KHDRBS2: variants seen among roughly 807,000 people sequenced by gnomAD.
KHDRBS2 encodes KH domain-containing, RNA-binding, signal transduction-associated protein 2.
KHDRBS2 carries 26 observed loss-of-function variants against 44.3 expected under a neutral mutation model. The observed-to-expected ratio is 0.59, with a 90% CI of 0.43 to 0.81. The LOEUF (loss-of-function observed/expected upper bound fraction) is 0.81, where lower values mean the gene tolerates loss of function less well. Among genes scored for constraint, KHDRBS2 ranks in the 40% least tolerant of loss-of-function variants. KHDRBS2 has a pLI of 0.00. For missense variants in KHDRBS2, 476 were observed against 433.1 expected (o/e 1.10, Z -0.88); for synonymous variants, 194 against 151.1 (o/e 1.28, Z -2.08).
intron 2 of KHDRBS2, among the ~76,000 whole-genome samples, chr6:62,144,091 A>C (rs922184289): frequency 6.6e-6 from 1 of 151,858 alleles, no homozygotes; most frequent in African/African-American, 2.4e-5. Flanking sequence ...CAAGCACACT[A>C]TTTCAACCAG....
At chr6:61,716,942 A>G (rs1434646737) in intron 7 of KHDRBS2, among the ~76,000 whole-genome samples, 1 of 152,008 alleles carries the variant, frequency 6.6e-6, no homozygotes, top group Non-Finnish European at 1.5e-5. Flanking sequence ...CCTCCTGAGG[A>G]GTGTTTCCAA....
At chr6:62,018,870 T>A (rs1781741514) in intron 3 of KHDRBS2, among the ~76,000 whole-genome samples, 1 of 152,210 alleles carries the variant, frequency 6.6e-6, no homozygotes, top group Admixed American at 6.5e-5. Flanking sequence ...AATAATTGTT[T>A]TAATAATATA....
intron 3 of KHDRBS2, among the ~76,000 whole-genome samples, chr6:61,992,649 T>A (rs1364817672): frequency 6.6e-6 from 1 of 151,936 alleles, no homozygotes; most frequent in East Asian, 1.9e-4. Context: ...GTAACCAGAG[T>A]GGGAACAGTA....
chr6:61,942,575 T>C (rs1000431063), intron 4 of KHDRBS2, among the ~76,000 whole-genome samples: 21 of 152,190 alleles, frequency 1.4e-4, no homozygotes, highest in Admixed American at 1.4e-3. Flanking sequence ...TCATAACATA[T>C]GGGACACCAT....
the KHDRBS2 span, among the ~76,000 whole-genome samples, chr6:61,674,797 C>G: frequency 3.3e-5 from 5 of 151,562 alleles, no homozygotes; most frequent in African/African-American, 4.8e-5. Flanking sequence ...TTACTGATCA[C>G]TTTTCTCTCT....
At position 61,776,905 on chromosome 6, in the gene KHDRBS2, T is replaced by G. The variant is rs144385127; in HGVS notation, c.811-44141A>C. Among the ~76,000 whole-genome samples the G allele has an allele frequency of 5.0e-3, 761 of 152,114 alleles. 3 individuals carry two copies. Among genetic ancestry groups the G allele is most frequent in the Non-Finnish European group, 7.7e-3 (521 of 68,004 alleles). On this transcript the variant is annotated intron_variant, in intron 6 of 8. Coordinates refer to ENST00000281156, the MANE Select transcript of KHDRBS2 (RefSeq NM_152688.4). Reference sequence around the variant, plus strand: ...ATCCAACCTAAATGTCCAACAACGATAGAATGGATGAAGAAAATGTGGCAC... The same window carrying G: ...ATCCAACCTAAATGTCCAACAACGAGAGAATGGATGAAGAAAATGTGGCAC...
chr6:61,635,343 T>C, the KHDRBS2 span, among the ~76,000 whole-genome samples: 1 of 151,984 alleles, frequency 6.6e-6, no homozygotes, highest in Non-Finnish European at 1.5e-5. Context: ...AGGGAAGTGA[T>C]GACTGGTCTG....
At chr6:62,084,981 T>A (rs6910051) in intron 2 of KHDRBS2, among the ~76,000 whole-genome samples, 2 of 152,122 alleles carry the variant, frequency 1.3e-5, no homozygotes, top group African/African-American at 4.8e-5. Flanking sequence ...ACAAAACACT[T>A]AAATGTGTGC....
intron 2 of KHDRBS2, among the ~76,000 whole-genome samples, chr6:62,067,830 C>A (rs1188627394): frequency 1.3e-5 from 2 of 151,512 alleles, no homozygotes; most frequent in South Asian, 4.1e-4. Context: ...TAAATACGGT[C>A]GTACAACATG....
At chr6:61,784,281 CTAAT>C (rs1385924461) in intron 6 of KHDRBS2, among the ~76,000 whole-genome samples, 1 of 151,596 alleles carries the variant, frequency 6.6e-6, no homozygotes, top group Non-Finnish European at 1.5e-5. Context: ...ATTTATTACT[CTAAT>C]TATTATAGTA....
intron 3 of KHDRBS2, among the ~76,000 whole-genome samples, chr6:61,995,126 C>T (rs1468336028): frequency 6.6e-6 from 1 of 151,886 alleles, no homozygotes; most frequent in Non-Finnish European, 1.5e-5. Flanking sequence ...GCCTACAAAG[C>T]ACTATATTAT....
intron 2 of KHDRBS2, among the ~76,000 whole-genome samples, chr6:62,111,724 A>C (rs529912252): frequency 3.5e-4 from 53 of 152,152 alleles, no homozygotes; most frequent in African/African-American, 1.3e-3. Context: ...TCTACAAAAA[A>C]TTAGAAAATT....
chr6:61,711,498 T>A (rs1562008199), intron 7 of KHDRBS2, among the ~76,000 whole-genome samples: 1 of 151,878 alleles, frequency 6.6e-6, no homozygotes, highest in African/African-American at 2.4e-5. Context: ...AAACTCAAGA[T>A]AATGTTAGAA....
intron 6 of KHDRBS2, among the ~76,000 whole-genome samples, chr6:61,894,044 GT>G (rs1802478096): frequency 6.6e-6 from 1 of 152,064 alleles, no homozygotes; most frequent in Non-Finnish European, 1.5e-5. Context: ...AGAACTAAAG[GT>G]TAAAAGATGT....
intron 1 of KHDRBS2, among the ~76,000 whole-genome samples, chr6:62,239,541 C>T (rs1563116802): frequency 6.6e-6 from 1 of 151,082 alleles, no homozygotes; most frequent in Non-Finnish European, 1.5e-5. Context: ...CTGCTGCACT[C>T]CAGCCTGCAT....
rs182852090 is a variant in KHDRBS2 at position 62,163,811 on chromosome 6, A to G, written c.219+13374T>C. On this transcript the variant is annotated intron_variant, in intron 2 of 8. Coordinates refer to ENST00000281156, the MANE Select transcript of KHDRBS2 (RefSeq NM_152688.4). ...TACTCTCTCCTTTAGAACACTCACA[A>G]TGTACTTCAGAAAAGAAAATAGCAG... Among the ~76,000 whole-genome samples, 19 of 152,072 alleles carry G rather than the reference A, an allele frequency of 1.2e-4. No homozygotes were observed. The East Asian group carries it at 3.7e-3, about 29-fold the overall frequency.
intron 8 of KHDRBS2, among the ~76,000 whole-genome samples, chr6:61,691,058 A>G (rs2127541781): frequency 6.6e-6 from 1 of 152,186 alleles, no homozygotes; most frequent in South Asian, 2.1e-4. Context: ...TGATAGATCC[A>G]GTCTGGTATG....
intron 4 of KHDRBS2, among the ~76,000 whole-genome samples, chr6:61,957,905 C>T (rs918042985): frequency 5.3e-4 from 81 of 151,936 alleles, no homozygotes; most frequent in African/African-American, 1.8e-3. Context: ...GATGTTTCCC[C>T]GGACACCCAG....
At chr6:62,102,419 A>G (rs922941590) in intron 2 of KHDRBS2, among the ~76,000 whole-genome samples, 1 of 152,182 alleles carries the variant, frequency 6.6e-6, no homozygotes, top group African/African-American at 2.4e-5. Flanking sequence ...AAAACCTCAG[A>G]GACACCAGGG....
Sources: allele counts gnomAD v4.1 joint callset (sites outside exome capture counted in the v4.1 genomes callset), GRCh38; gene constraint gnomAD v4.1.1; transcripts MANE v1.5; gene names NCBI Gene and HGNC (gene_info 2026-07-23, HGNC 2026-07-21).